Variants in TRRAP observed in about 807,000 individuals in gnomAD.
TRRAP encodes the protein transformation/transcription domain-associated protein.
Under a neutral mutation model 438.8 loss-of-function variants are expected in TRRAP, and 41 were observed. The ratio of observed to expected loss-of-function variants is 0.09; its 90% CI spans 0.07 to 0.12. The LOEUF is 0.12. TRRAP is among the 10% of genes least tolerant of loss of function. The pLI is 1.00. For missense variants in TRRAP, 3,122 were observed against 5,055.1 expected, an observed-to-expected ratio of 0.62 and a Z score of 11.60; for synonymous variants, 1,994 against 1,962.9, an observed-to-expected ratio of 1.02 and a Z score of -0.42.
intron 61 of TRRAP, 135 bp downstream of exon 61, chr7:98,984,493 G>C (rs1483285641): frequency 1.8e-6 from 2 of 1,111,606 alleles, no homozygotes; most frequent in East Asian, 2.6e-5. Context: ...CCTCAGTAAG[G>C]GGGAAACAGT....
chr7:98,893,021 G>A (rs995257209), intron 5 of TRRAP, among the ~76,000 whole-genome samples: 3 of 151,630 alleles, frequency 2.0e-5, no homozygotes, highest in Admixed American at 6.6e-5. Context: ...GTGTGATCTT[G>A]GTTCACTGCA....
chr7:98,880,262 G>GTTGTTTT (rs1214006753), intron 1 of TRRAP, among the ~76,000 whole-genome samples: 4 of 132,110 alleles, frequency 3.0e-5, no homozygotes, highest in Non-Finnish European at 4.7e-5. Context: ...TGTTGTTGTT[G>GTTGTTTT]TTTTTTTTTT....
rs1345686031 is a variant in TRRAP, at chr7:98,908,498, C to T, written c.1116-230C>T. Among the ~76,000 whole-genome samples, 2 of 152,168 alleles carry T rather than the reference C, an allele frequency of 1.3e-5. No homozygotes were observed. The highest frequency in any genetic ancestry group is 3.8e-4 in the East Asian group (2 of 5,200). On this transcript the variant is annotated intron_variant, in intron 13 of 72. Coordinates refer to ENST00000456197, the MANE Select transcript of TRRAP (RefSeq NM_001375524.1). This position sits in a 1 kb window ranked among gnomAD's most constrained non-coding sequence, Gnocchi z 4.1. ...CCAGCATCTATTAGTAACTTTATGA[C>T]GTGCACAAAGTTAACCTTTTAGCTT... is the stretch of plus-strand genomic sequence containing the variant.
chr7:98,999,408 G>T, intron 67 of TRRAP: 1 of 1,181,558 alleles, frequency 8.5e-7, no homozygotes, highest in Non-Finnish European at 1.3e-6. Flanking sequence ...ATCTACATGA[G>T]ATCCAGCAGC....
chr7:98,983,997 A>ATG (rs1491417853), intron 60 of TRRAP, 96 bp from the exon 61 acceptor site: 68 of 1,400,826 alleles, frequency 4.9e-5, no homozygotes, highest in East Asian at 3.4e-4. Flanking sequence ...TTCATAAGCC[A>ATG]TGTGTGTGTG....
chr7:98,905,256 G>C lies in TRRAP; in HGVS notation c.1037-921G>C, dbSNP rs574106223. Reference sequence around the variant, plus strand: ...GCCTGCTTGTGGCTGTTTCCATTTGGCTGTTCCTCCGTGTGCTGCCTGGCT... The same window carrying C: ...GCCTGCTTGTGGCTGTTTCCATTTGCCTGTTCCTCCGTGTGCTGCCTGGCT... On this transcript the variant is annotated intron_variant, in intron 12 of 72. Coordinates refer to ENST00000456197, the MANE Select transcript of TRRAP (RefSeq NM_001375524.1). 1.8e-4 allele frequency among the ~76,000 whole-genome samples: 28 copies of C among 152,216 alleles called. No homozygotes were observed. In the South Asian group the frequency reaches 5.6e-3, roughly 30 times the overall value.
rs1792430652 is a variant in TRRAP at position 98,971,786 on chromosome 7, C to T, written c.7693-13C>T. On this transcript the variant is annotated splice_polypyrimidine_tract_variant and intron_variant, in intron 52 of 72. Coordinates refer to ENST00000456197, the MANE Select transcript of TRRAP (RefSeq NM_001375524.1). ...TTTGACCTTTTGGTTTTGCTTGCTGCTTTGTTTCTTAGGATGTAGAGATAG... is the reference window on the plus strand; with the variant it reads ...TTTGACCTTTTGGTTTTGCTTGCTGTTTTGTTTCTTAGGATGTAGAGATAG... 1 of 1,610,910 alleles carries T rather than the reference C, an allele frequency of 6.2e-7. No homozygotes were observed. The highest frequency in any genetic ancestry group is 1.3e-5 in the African/African-American group (1 of 74,832).
chr7:98,963,089 G>A (rs1791989854), intron 47 of TRRAP, among the ~76,000 whole-genome samples: 1 of 152,180 alleles, frequency 6.6e-6, no homozygotes, highest in Admixed American at 6.5e-5. Context: ...CTTCCCAATA[G>A]CAATCAGTCC....
chr7:98,888,961 G>T (rs904906879), intron 3 of TRRAP, among the ~76,000 whole-genome samples: 1 of 150,532 alleles, frequency 6.6e-6, no homozygotes, highest in African/African-American at 2.4e-5. Flanking sequence ...GAAAATATTT[G>T]TTGAATGAAT....
chr7:98,988,844 G>A lies in TRRAP; in HGVS notation c.9469G>A (p.Asp3157Asn). ...GGTGAAAGCCTGGGCCATGTGGGGC[G>A]ACTACCTGGAGAACATCTTTGTGAA... ...VLVKAWAMWGDYLENIFVKER... is the reference protein window; with the variant it reads ...VLVKAWAMWGNYLENIFVKER... The change falls in exon 63 of 73, where the codon GAC (aspartate) becomes AAC (asparagine). Residue 3157 changes from aspartate (D) to asparagine (N), a missense_variant. By Grantham distance (23) the Asp-to-Asn change is conservative. Coordinates refer to ENST00000456197, the MANE Select transcript of TRRAP (RefSeq NM_001375524.1). The A allele has an allele frequency of 6.2e-7, 1 of 1,614,196 alleles. No homozygotes were observed. The highest frequency in any genetic ancestry group is 2.2e-5 in the East Asian group (1 of 44,882).
chr7:98,949,400 A>G lies in TRRAP; in HGVS notation c.4789-17A>G, dbSNP rs376048132. ...TTGATTAGCTTAAAACGGCTTTTCT[A>G]TTTGTTTTGCTTTCAGAGTTTTTTA... On this transcript the variant is annotated splice_polypyrimidine_tract_variant and intron_variant, in intron 35 of 72. Transcript: ENST00000456197. 26 of 1,509,514 alleles carry G rather than the reference A, an allele frequency of 1.7e-5. No homozygotes were observed. Among genetic ancestry groups the G allele is most frequent in the African/African-American group, 1.7e-4 (12 of 71,210 alleles). 93.5% of individuals were successfully genotyped at this position (1,509,514 alleles called of 1,614,324 possible).
In TRRAP at chr7:99,011,684, G is replaced by C; in HGVS notation, c.11337+149G>C. On this transcript the variant is annotated intron_variant, in intron 72 of 72. Coordinates refer to ENST00000456197, the MANE Select transcript of TRRAP (RefSeq NM_001375524.1). The surrounding 1 kb of genome is among the most constrained non-coding windows in gnomAD (Gnocchi z 7.1). Reference sequence around the variant, plus strand: ...CCCTGTGTGTTATGTCCTTTGCTGTGAGGGCAAGGGATGGTTTTCTCTTTG... The same window carrying C: ...CCCTGTGTGTTATGTCCTTTGCTGTCAGGGCAAGGGATGGTTTTCTCTTTG... 1 of 962,968 alleles carries C rather than the reference G, an allele frequency of 1.0e-6. No individual in the cohort carries two copies. Among genetic ancestry groups the C allele is most frequent in the South Asian group, 1.7e-5 (1 of 57,540 alleles). 59.7% of individuals were successfully genotyped at this position (962,968 alleles called of 1,614,324 possible). A position where few individuals can be genotyped will look rare whatever the true frequency, so the allele number is the denominator to read the frequency against.
intron 61 of TRRAP, among the ~76,000 whole-genome samples, 162 bp from the exon 62 acceptor site, chr7:98,984,782 G>A (rs928693392): frequency 6.6e-6 from 1 of 152,148 alleles, no homozygotes; most frequent in Non-Finnish European, 1.5e-5. Flanking sequence ...TTTAAATTCT[G>A]AACGTCAATC....
chr7:98,943,388 T>G (rs1790890657), intron 31 of TRRAP, among the ~76,000 whole-genome samples: 2 of 152,234 alleles, frequency 1.3e-5, no homozygotes, highest in African/African-American at 4.8e-5. Flanking sequence ...AGCTATTGTT[T>G]CCATTGCTTT....
intron 38 of TRRAP, 121 bp from the exon 39 acceptor site, chr7:98,950,755 C>A (rs879992581): frequency 2.4e-6 from 3 of 1,250,214 alleles, no homozygotes; most frequent in African/African-American, 1.5e-5. Context: ...TTGGTAGTCA[C>A]ACCCTGGGTT....
At chr7:98,922,081 G>T in intron 21 of TRRAP, 128 bp downstream of exon 21, 2 of 1,292,246 alleles carry the variant, frequency 1.5e-6, no homozygotes, top group East Asian at 2.5e-5. Flanking sequence ...TCAGGTGATC[G>T]GCCTGGTTGG....
chr7:99,008,379 C>T lies in TRRAP; in HGVS notation c.10756C>T (p.Pro3586Ser). The T allele has an allele frequency of 1.2e-6, 2 of 1,613,876 alleles. No individual in the cohort carries two copies. The highest frequency in any genetic ancestry group is 1.7e-6 in the Non-Finnish European group (2 of 1,179,810). The change falls in exon 70 of 73, where the codon CCC (proline) becomes TCC (serine). Residue 3586 changes from proline (P) to serine (S), a missense_variant and splice_region_variant. This residue lies in a region of TRRAP where 95 missense variants were observed against 144.1 expected (regional missense o/e 0.66). Transcript: ENST00000456197. ...CGTTTCTCTTCCTCTCTCCCCAGTG[C>T]CCCGGGTTGTGGCAGTTTCCCCACA... ...TTKRHLFFTV[P>S]RVVAVSPQMR...
At chr7:98,906,088 G>C (rs939547341) in intron 12 of TRRAP, 89 bp from the exon 13 acceptor site, 2 of 1,165,696 alleles carry the variant, frequency 1.7e-6, no homozygotes, top group South Asian at 2.7e-5. Context: ...TCAGACTGGC[G>C]GGCTGGCTAC....
At chr7:98,970,334 G>A in intron 52 of TRRAP, 43 bp downstream of exon 52, 1 of 1,597,950 alleles carries the variant, frequency 6.3e-7, no homozygotes. Context: ...GAGAGGAGGT[G>A]AGGCCCCACA....
Sources: allele counts gnomAD v4.1 joint callset (sites outside exome capture counted in the v4.1 genomes callset), GRCh38; gene constraint gnomAD v4.1.1; regional missense constraint gnomAD v4.1.1; non-coding constraint Gnocchi (gnomAD v3.1); transcripts MANE v1.5; gene names NCBI Gene and HGNC (gene_info 2026-07-23, HGNC 2026-07-21).